Variants in MEF2C observed in about 807,000 individuals in gnomAD.
MEF2C encodes the protein myocyte enhancer factor 2C.
In MEF2C, 6 loss-of-function variants were observed where a neutral mutation model predicts 50.5. The ratio of observed to expected loss-of-function variants is 0.12; its 90% CI spans 0.07 to 0.23. The LOEUF is 0.23. Among genes scored for constraint, MEF2C ranks in the 10% least tolerant of loss-of-function variants. The probability of loss-of-function intolerance (pLI) is 1.00; values close to 1 mark genes in which losing one functional copy is unlikely to be tolerated. For synonymous variants in MEF2C, 183 were observed against 228.0 expected, an observed-to-expected ratio of 0.80 and a Z score of 1.78; for missense variants, 276 against 605.0, an observed-to-expected ratio of 0.46 and a Z score of 5.70.
At chr5:88,861,405 T>G (rs1445208345) in intron 1 of MEF2C, among the ~76,000 whole-genome samples, 2 of 152,220 alleles carry the variant, frequency 1.3e-5, no homozygotes, top group Non-Finnish European at 2.9e-5. Context: ...ATATTAAAAC[T>G]CTTAGAAACA....
chr5:88,742,980 C>T (rs921418498), intron 6 of MEF2C: 1 of 973,086 alleles, frequency 1.0e-6, no homozygotes, highest in Non-Finnish European at 1.2e-6. Context: ...AAAGCAATGC[C>T]GTTAGTTATT....
chr5:88,809,010 G>T (rs1448149769), intron 2 of MEF2C, among the ~76,000 whole-genome samples: 1 of 152,066 alleles, frequency 6.6e-6, no homozygotes, highest in Non-Finnish European at 1.5e-5. Flanking sequence ...AAGTCAACAT[G>T]TTATCAAATT....
intron 1 of MEF2C, among the ~76,000 whole-genome samples, chr5:88,844,419 C>T (rs1374659468): frequency 2.0e-5 from 3 of 152,092 alleles, no homozygotes; most frequent in Non-Finnish European, 4.4e-5. Context: ...TGTCAAAGTC[C>T]GAAATCAGTT....
intron 1 of MEF2C, among the ~76,000 whole-genome samples, chr5:88,875,091 G>A (rs752291037): frequency 6.6e-6 from 1 of 151,924 alleles, no homozygotes; most frequent in Non-Finnish European, 1.5e-5. Context: ...ATTAAAGCCT[G>A]CTTCTTAACA....
chr5:88,747,773 T>G (rs914448276), intron 6 of MEF2C, among the ~76,000 whole-genome samples: 21 of 152,216 alleles, frequency 1.4e-4, no homozygotes, highest in African/African-American at 5.1e-4. Context: ...TTATATTATA[T>G]CTTGGTCTTT....
chr5:88,826,678 A>G (rs1289756419), intron 1 of MEF2C, among the ~76,000 whole-genome samples: 1 of 152,000 alleles, frequency 6.6e-6, no homozygotes, highest in African/African-American at 2.4e-5. Flanking sequence ...AGAGGCGAAG[A>G]AAGAGATTAT....
At chr5:88,859,752 A>C (rs1050037190) in intron 1 of MEF2C, among the ~76,000 whole-genome samples, 3 of 152,268 alleles carry the variant, frequency 2.0e-5, no homozygotes, top group East Asian at 3.8e-4. Context: ...TAATGGCTAC[A>C]AGTCTGCAAA....
chr5:88,802,787 A>C (rs541542070), intron 3 of MEF2C, among the ~76,000 whole-genome samples: 2 of 152,352 alleles, frequency 1.3e-5, no homozygotes, highest in Admixed American at 1.3e-4. Flanking sequence ...GTCATATAAT[A>C]TATTCCTAAG....
intron 1 of MEF2C, among the ~76,000 whole-genome samples, chr5:88,871,921 T>C (rs987465711): frequency 6.6e-6 from 1 of 152,048 alleles, no homozygotes; most frequent in African/African-American, 2.4e-5. Flanking sequence ...ATAATAAGGG[T>C]AGCATTTGCT....
chr5:88,760,169 T>C (rs1460933680), intron 4 of MEF2C, among the ~76,000 whole-genome samples: 1 of 152,260 alleles, frequency 6.6e-6, no homozygotes, highest in Non-Finnish European at 1.5e-5. Context: ...AGCCACAAAA[T>C]TAACATTATT....
intron 6 of MEF2C, among the ~76,000 whole-genome samples, chr5:88,746,216 A>T (rs185787732): frequency 2.0e-5 from 3 of 152,224 alleles, no homozygotes; most frequent in African/African-American, 7.2e-5. Flanking sequence ...CTGAAGCAGG[A>T]TGCAATATAA....
intron 1 of MEF2C, chr5:88,888,967 A>G (rs1834253937): frequency 6.6e-6 from 1 of 152,196 alleles, no homozygotes; most frequent in Admixed American, 6.5e-5. Flanking sequence ...CAATTCAAGG[A>G]ATGGATTTTC....
intron 1 of MEF2C, among the ~76,000 whole-genome samples, chr5:88,878,639 C>T (rs1439216276): frequency 1.3e-5 from 2 of 151,922 alleles, no homozygotes; most frequent in Non-Finnish European, 2.9e-5. Context: ...AATAAATATA[C>T]TCCATATTTA....
chr5:88,853,499 G>T (rs550886757), intron 1 of MEF2C, among the ~76,000 whole-genome samples: 1 of 152,284 alleles, frequency 6.6e-6, no homozygotes, highest in South Asian at 2.1e-4. Context: ...ATTGTAAACT[G>T]CCTGCAAAAG....
At chr5:88,752,723 G>A (rs1773414800) in intron 4 of MEF2C, 1 of 985,270 alleles carries the variant, frequency 1.0e-6, no homozygotes, top group Non-Finnish European at 1.2e-6. Context: ...TGTGAAAGTT[G>A]GCAAATATTT....
chr5:88,724,251 C>T (rs1001464814), intron 10 of MEF2C, among the ~76,000 whole-genome samples: 1 of 151,946 alleles, frequency 6.6e-6, no homozygotes, highest in African/African-American at 2.4e-5. Context: ...GTCATTATGA[C>T]CACTGAGAGA....
chr5:88,742,757 G>C, intron 6 of MEF2C: 4 of 985,246 alleles, frequency 4.1e-6, no homozygotes, highest in Non-Finnish European at 4.8e-6. Context: ...ACTTCAACAT[G>C]AGCCCCTAGA....
rs1756698465 is a variant in MEF2C, at chr5:88,722,599, T to A, written c.*5A>T. On this transcript the variant is annotated 3_prime_UTR_variant, in exon 11 of 11. Coordinates refer to ENST00000504921, the MANE Select transcript of MEF2C (RefSeq NM_002397.5). The stretch of plus-strand genomic sequence containing the variant: ...AAAAAAAAAAACTAGTAAGTAATAA[T>A]CTGATCATGTTGCCCATCCTTCAGA... 6.2e-7 allele frequency: 1 copy of A among 1,605,828 alleles called. No individual in the cohort carries two copies. The highest frequency in any genetic ancestry group is 8.5e-7 in the Non-Finnish European group (1 of 1,175,408).
intron 1 of MEF2C, among the ~76,000 whole-genome samples, chr5:88,856,423 T>C (rs1356401781): frequency 6.6e-6 from 1 of 152,150 alleles, no homozygotes; most frequent in Non-Finnish European, 1.5e-5. Context: ...CATTTTTTGA[T>C]GAGAAATTCA....
Sources: allele counts gnomAD v4.1 joint callset (sites outside exome capture counted in the v4.1 genomes callset), GRCh38; gene constraint gnomAD v4.1.1; transcripts MANE v1.5; gene names NCBI Gene and HGNC (gene_info 2026-07-23, HGNC 2026-07-21).